The following NAA15 variants were observed in gnomAD, a reference collection of about 807,000 sequenced individuals.
The protein encoded by NAA15 is N-terminal acetyltransferase.
A neutral mutation model predicts 114.0 loss-of-function variants in NAA15; 34 were observed. That is an observed-to-expected ratio of 0.30 (90% CI 0.23 to 0.40). The LOEUF is 0.40. NAA15 is among the 10% of genes least tolerant of loss of function. NAA15 has a pLI of 1.00. For synonymous variants in NAA15, 340 were observed against 338.0 expected (o/e 1.01, Z -0.06); for missense variants, 658 against 1,004.5 (o/e 0.66, Z 4.66).
chr4:139,351,216 T>C lies in NAA15; in HGVS notation c.837T>C (p.Ile279=). The change falls in exon 8 of 20, where the codon ATT becomes ATC. Residue 279 remains isoleucine, a synonymous_variant. Coordinates refer to ENST00000296543, the MANE Select transcript of NAA15 (RefSeq NM_057175.5). ...CTAATATGTTAGAACGGCTAAAAAT[T>C]TATGAGGAAGCCTGGACTAAATATC... ...KPANMLERLK[I]YEEAWTKYPR... is the part of the protein sequence containing the mutation. The C allele has an allele frequency of 6.2e-7, 1 of 1,600,936 alleles. No homozygotes were observed. The highest frequency in any genetic ancestry group is 8.5e-7 in the Non-Finnish European group (1 of 1,173,028).
chr4:139,351,555 A>G lies in NAA15; in HGVS notation c.958A>G (p.Lys320Glu). ...TAAGTTCCTAAGGATGAATTTCAGC[A>G]AGGGTTGCCCACCAGTCTTCAATAC... ...LDKFLRMNFS[K>E]GCPPVFNTLR... Residue 320 changes from lysine to glutamate, a missense_variant, in exon 9 of 20, where the codon AAG (lysine) becomes GAG (glutamate). Physicochemically the swap from Lys to Glu is moderately conservative, Grantham distance 56. This residue lies in a region of NAA15 where 281 missense variants were observed against 389.1 expected (regional missense o/e 0.72). Transcript: ENST00000296543. 6.2e-7 allele frequency: 1 copy of G among 1,609,526 alleles called. No individual in the cohort carries two copies. Among genetic ancestry groups the G allele is most frequent in the Non-Finnish European group, 8.5e-7 (1 of 1,175,886 alleles).
chr4:139,385,207 A>G (rs1748862466), intron 18 of NAA15, among the ~76,000 whole-genome samples: 1 of 147,756 alleles, frequency 6.8e-6, no homozygotes, highest in African/African-American at 2.6e-5. Flanking sequence ...ACTTGAGCCC[A>G]GGAATTTGAG....
intron 16 of NAA15, 150 bp downstream of exon 16, chr4:139,376,623 T>C (rs1748588974): frequency 1.1e-5 from 7 of 626,804 alleles, no homozygotes; most frequent in East Asian, 2.8e-5. Flanking sequence ...GAACAGAATG[T>C]GTAGGGAGAT....
chr4:139,323,037 C>CT (rs1261905884), intron 1 of NAA15, among the ~76,000 whole-genome samples: 1 of 139,214 alleles, frequency 7.2e-6, no homozygotes, highest in Non-Finnish European at 1.6e-5. Context: ...TGGCAGATTT[C>CT]TTTTTCTTTT....
At chr4:139,380,502 A>C (rs1176125312) in intron 17 of NAA15, among the ~76,000 whole-genome samples, 2 of 152,224 alleles carry the variant, frequency 1.3e-5, no homozygotes, top group African/African-American at 4.8e-5. Context: ...TGACATATTT[A>C]AATGTATTTG....
chr4:139,371,967 G>C (rs1206295535), intron 15 of NAA15, among the ~76,000 whole-genome samples: 5 of 151,712 alleles, frequency 3.3e-5, no homozygotes, highest in Non-Finnish European at 7.4e-5. Flanking sequence ...CCAGGCTGGA[G>C]TGCAGTGGCG....
chr4:139,327,621 C>G (rs1213954182), intron 1 of NAA15, among the ~76,000 whole-genome samples: 1 of 152,010 alleles, frequency 6.6e-6, no homozygotes, highest in Non-Finnish European at 1.5e-5. Flanking sequence ...GTGTGTACAC[C>G]TAGGTTGGAA....
rs1748977578 is a variant in NAA15, at chr4:139,388,884, G to T, written c.*800G>T. Reference sequence around the variant, plus strand: ...GCAAGAACCAAATGCACTGTGATGTGGCACCAACTAATTAGCAAGCATGAA... The same window carrying T: ...GCAAGAACCAAATGCACTGTGATGTTGCACCAACTAATTAGCAAGCATGAA... On this transcript the variant is annotated 3_prime_UTR_variant, in exon 20 of 20. Transcript: ENST00000296543. 6.6e-6 allele frequency: 1 copy of T among 152,532 alleles called. No individual in the cohort carries two copies. The highest frequency in any genetic ancestry group is 1.5e-5 in the Non-Finnish European group (1 of 68,016). The allele number at this position is 152,532 out of a possible 1,614,324, so 9.4% of individuals were successfully genotyped here. A position where few individuals can be genotyped will look rare whatever the true frequency, so the allele number is the denominator to read the frequency against.
chr4:139,308,583 T>A (rs72724799), intron 1 of NAA15, among the ~76,000 whole-genome samples: 40,330 of 152,124 alleles, frequency 0.27, 5,663 homozygotes, highest in African/African-American at 0.35. Context: ...CATTCAGCTC[T>A]TAGTAGTTAA....
intron 1 of NAA15, among the ~76,000 whole-genome samples, chr4:139,333,498 G>T (rs1236844933): frequency 1.3e-5 from 2 of 151,028 alleles, no homozygotes; most frequent in South Asian, 2.1e-4. Flanking sequence ...TATTTTTTCC[G>T]TGTATTTTGC....
chr4:139,345,554 T>G (rs555827517), intron 6 of NAA15, among the ~76,000 whole-genome samples: 2 of 152,276 alleles, frequency 1.3e-5, no homozygotes, highest in South Asian at 4.2e-4. Context: ...TAGAAGTCAT[T>G]GGTGACCTTA....
chr4:139,306,944 T>C (rs1373930509), intron 1 of NAA15, among the ~76,000 whole-genome samples: 1 of 152,230 alleles, frequency 6.6e-6, no homozygotes, highest in Non-Finnish European at 1.5e-5. Context: ...ATGTCAGTTA[T>C]AAGAAAAATC....
chr4:139,324,831 G>GA (rs1049362271), intron 1 of NAA15, among the ~76,000 whole-genome samples: 1 of 152,046 alleles, frequency 6.6e-6, no homozygotes, highest in Non-Finnish European at 1.5e-5. Context: ...TGCATTTCGT[G>GA]AAAAAAATTG....
intron 1 of NAA15, among the ~76,000 whole-genome samples, chr4:139,319,554 G>C (rs888686216): frequency 6.6e-6 from 1 of 152,070 alleles, no homozygotes; most frequent in Admixed American, 6.6e-5. Flanking sequence ...TCCCACCTCA[G>C]CCTCGTGGGC....
At chr4:139,327,153 T>G (rs1579095369) in intron 1 of NAA15, among the ~76,000 whole-genome samples, 1 of 152,158 alleles carries the variant, frequency 6.6e-6, no homozygotes, top group Non-Finnish European at 1.5e-5. Flanking sequence ...TGCAGGCTGG[T>G]CTTGAACTCC....
At position 139,333,153 on chromosome 4, in the gene NAA15, A is replaced by T. The variant is rs549332147; in HGVS notation, c.55-1021A>T. Among the ~76,000 whole-genome samples the T allele has an allele frequency of 5.6e-4, 72 of 127,900 alleles. 1 individual carries two copies. In the Middle Eastern group the frequency reaches 0.017, roughly 30 times the overall value. 83.9% of individuals were successfully genotyped at this position (127,900 alleles called of 152,430 possible). A position where few individuals can be genotyped will look rare whatever the true frequency, so the allele number is the denominator to read the frequency against. On this transcript the variant is annotated intron_variant, in intron 1 of 19. Transcript: ENST00000296543. ...GAAAAGTGTAAGTTTGTATAGATGCAGTTTTTTTTTTTCCTAATACTTTCT... is the reference window on the plus strand; with the variant it reads ...GAAAAGTGTAAGTTTGTATAGATGCTGTTTTTTTTTTTCCTAATACTTTCT...
At chr4:139,319,943 T>A (rs1746543450) in intron 1 of NAA15, among the ~76,000 whole-genome samples, 1 of 152,234 alleles carries the variant, frequency 6.6e-6, no homozygotes, top group Admixed American at 6.5e-5. Flanking sequence ...CACTGCTACT[T>A]TCCTGTTATC....
chr4:139,380,911 T>A (rs117776316), intron 17 of NAA15, among the ~76,000 whole-genome samples: 1 of 152,158 alleles, frequency 6.6e-6, no homozygotes, highest in Non-Finnish European at 1.5e-5. Context: ...TTTGGTACTT[T>A]AAAAAAATAT....
chr4:139,346,345 A>G (rs969488936), intron 6 of NAA15, among the ~76,000 whole-genome samples: 14 of 152,288 alleles, frequency 9.2e-5, no homozygotes, highest in African/African-American at 3.4e-4. Flanking sequence ...TATGTATTGA[A>G]TACCTACTTT....
Sources: allele counts gnomAD v4.1 joint callset (sites outside exome capture counted in the v4.1 genomes callset), GRCh38; gene constraint gnomAD v4.1.1; regional missense constraint gnomAD v4.1.1; transcripts MANE v1.5; gene names NCBI Gene and HGNC (gene_info 2026-07-23, HGNC 2026-07-21).